Variants in INPP5K observed in about 807,000 individuals in gnomAD.
INPP5K encodes the protein inositol polyphosphate-5-phosphatase K, also known as inositol polyphosphate 5-phosphatase K.
INPP5K carries 35 observed loss-of-function variants against 53.5 expected under a neutral mutation model. The observed-to-expected ratio is 0.65, with a 90% CI of 0.50 to 0.87. The LOEUF (loss-of-function observed/expected upper bound fraction) is 0.87. Among genes scored for constraint, INPP5K ranks in the 40% least tolerant of loss-of-function variants. INPP5K has a pLI of 0.00. For missense variants in INPP5K, 550 were observed against 586.2 expected, an observed-to-expected ratio of 0.94 and a Z score of 0.64; for synonymous variants, 253 against 232.8, an observed-to-expected ratio of 1.09 and a Z score of -0.79.
intron 6 of INPP5K, 99 bp from the exon 7 acceptor site, chr17:1,507,188 G>T: frequency 1.2e-6 from 1 of 845,868 alleles, no homozygotes; most frequent in Non-Finnish European, 1.9e-6. Flanking sequence ...TCACAAATGG[G>T]GCAAGAGTCA....
intron 7 of INPP5K, among the ~76,000 whole-genome samples, chr17:1,502,538 C>G (rs865781977): frequency 1.3e-5 from 2 of 151,526 alleles, no homozygotes; most frequent in African/African-American, 4.9e-5. Flanking sequence ...ACCCCCACCC[C>G]CCTTTTTTCC....
intron 7 of INPP5K, among the ~76,000 whole-genome samples, chr17:1,501,053 G>C (rs1262026822): frequency 6.6e-6 from 1 of 151,388 alleles, no homozygotes; most frequent in Non-Finnish European, 1.5e-5. Flanking sequence ...CTGCCTCCCG[G>C]GTTCAAGCGA....
At chr17:1,500,525 T>C (rs1188113248) in intron 7 of INPP5K, among the ~76,000 whole-genome samples, 3 of 152,110 alleles carry the variant, frequency 2.0e-5, no homozygotes, top group African/African-American at 7.2e-5. Context: ...CCACCATGCC[T>C]GGCTAACTTT....
intron 2 of INPP5K, 74 bp downstream of exon 2, chr17:1,513,798 G>A (rs763213477): frequency 3.3e-5 from 39 of 1,170,468 alleles, no homozygotes; most frequent in Non-Finnish European, 4.4e-5. Flanking sequence ...AGCGGAGGAG[G>A]GCAGGTCACA....
At chr17:1,516,020 GAGACC>G in intron 1 of INPP5K, 10 of 1,009,450 alleles carry the variant, frequency 9.9e-6, no homozygotes, top group Non-Finnish European at 9.5e-6. Flanking sequence ...GAGCAGGCAA[GAGACC>G]AGGCTAAGTC....
rs1039952716 is a variant in INPP5K at position 1,496,046 on chromosome 17, C to A, written c.1290+14G>T. The A allele has an allele frequency of 2.5e-6, 4 of 1,570,614 alleles. No homozygotes were observed. Among genetic ancestry groups the A allele is most frequent in the Non-Finnish European group, 3.5e-6 (4 of 1,140,728 alleles). On this transcript the variant is annotated intron_variant, in intron 11 of 11. Transcript: ENST00000421807. ...AGCCCTCACCCTTCCCCTTCCCTCA[C>A]CAGCACTGCTTACCTGGAAGGGTCT...
At chr17:1,503,023 G>A (rs549830480) in intron 7 of INPP5K, among the ~76,000 whole-genome samples, 73 of 152,162 alleles carry the variant, frequency 4.8e-4, no homozygotes, top group Non-Finnish European at 8.7e-4. Flanking sequence ...CTGAGTAGCT[G>A]GGACTACGGG....
intron 7 of INPP5K, among the ~76,000 whole-genome samples, chr17:1,499,206 G>A (rs1394152470): frequency 6.6e-6 from 1 of 152,184 alleles, no homozygotes; most frequent in Non-Finnish European, 1.5e-5. Context: ...TGGCCTTTAT[G>A]ATTTCCTCTC....
chr17:1,495,490 C>T lies in INPP5K; in HGVS notation c.*333G>A. ...GAATGCAGGCCTGTGCCAAATGGGG[C>T]ATGTGCCTGGCAGGACTACTTGGGC... On this transcript the variant is annotated 3_prime_UTR_variant, in exon 12 of 12. Transcript: ENST00000421807. 3.3e-6 allele frequency: 1 copy of T among 305,798 alleles called. No individual in the cohort carries two copies. The highest frequency in any genetic ancestry group is 6.2e-6 in the Non-Finnish European group (1 of 162,222). The allele number at this position is 305,798 out of a possible 1,614,324, so 18.9% of individuals were successfully genotyped here.
intron 1 of INPP5K, among the ~76,000 whole-genome samples, chr17:1,514,583 GAATT>G: frequency 6.6e-6 from 1 of 152,222 alleles, no homozygotes; most frequent in African/African-American, 2.4e-5. Context: ...GGGAGCCCAA[GAATT>G]TCAGGTCAGG....
In INPP5K at chr17:1,496,660, C is replaced by T. The variant is rs368951837; in HGVS notation, c.1101+6G>A. On this transcript the variant is annotated splice_donor_region_variant and intron_variant, in intron 9 of 11. Coordinates refer to ENST00000421807, the MANE Select transcript of INPP5K (RefSeq NM_016532.4). ...TGATGGACTTCCTGCCTTGCCACCACATCACCTTGTACAGTCCAATCCAGT... is the reference window on the plus strand; with the variant it reads ...TGATGGACTTCCTGCCTTGCCACCATATCACCTTGTACAGTCCAATCCAGT... The T allele has an allele frequency of 3.1e-6, 5 of 1,613,976 alleles. No individual in the cohort carries two copies. The highest frequency in any genetic ancestry group is 4.2e-6 in the Non-Finnish European group (5 of 1,179,960).
intron 7 of INPP5K, among the ~76,000 whole-genome samples, chr17:1,499,379 G>C (rs1484147139): frequency 6.6e-6 from 1 of 152,140 alleles, no homozygotes; most frequent in Non-Finnish European, 1.5e-5. Flanking sequence ...TGTAATCCCA[G>C]CTACTCGGGA....
In INPP5K at chr17:1,495,781, T is replaced by C; in HGVS notation, c.*42A>G. The C allele has an allele frequency of 2.0e-6, 3 of 1,497,574 alleles. No homozygotes were observed. Among genetic ancestry groups the C allele is most frequent in the Non-Finnish European group, 2.8e-6 (3 of 1,078,604 alleles). 92.8% of individuals were successfully genotyped at this position (1,497,574 alleles called of 1,614,324 possible). ...CCGGCAGTGGAAAGGCAGAGCTGGCTGCCAGCTCTGGCCTCCGCCTGGGAT... is the reference window on the plus strand; with the variant it reads ...CCGGCAGTGGAAAGGCAGAGCTGGCCGCCAGCTCTGGCCTCCGCCTGGGAT... On this transcript the variant is annotated 3_prime_UTR_variant, in exon 12 of 12. Coordinates refer to ENST00000421807, the MANE Select transcript of INPP5K (RefSeq NM_016532.4).
intron 4 of INPP5K, 26 bp downstream of exon 4, chr17:1,509,657 G>A (rs777961063): frequency 2.8e-6 from 4 of 1,426,484 alleles, no homozygotes; most frequent in Admixed American, 3.4e-5. Flanking sequence ...CCCAGCTCAC[G>A]ACTCAGACAA....
At chr17:1,515,859 T>C (rs1278852955) in intron 1 of INPP5K, 2 of 955,562 alleles carry the variant, frequency 2.1e-6, no homozygotes, top group African/African-American at 3.5e-5. Context: ...AAAGACCTTT[T>C]ACTCAGAGAC....
rs369331433 is a variant in INPP5K at position 1,513,482 on chromosome 17, C to T, written c.232G>A (p.Asp78Asn). Residue 78 changes from aspartate to asparagine, a missense_variant, in exon 3 of 12, where the codon GAT becomes AAT. Coordinates refer to ENST00000421807, the MANE Select transcript of INPP5K (RefSeq NM_016532.4). ...ATGAAGCTCAGAGGGGAAAGCACATCCATGAGGAAACTGCTCCACGAGTCA... is the reference window on the plus strand; with the variant it reads ...ATGAAGCTCAGAGGGGAAAGCACATTCATGAGGAAACTGCTCCACGAGTCA... ...FNDSWSSFLMDVLSPLSFIKV... is the reference protein window; with the variant it reads ...FNDSWSSFLMNVLSPLSFIKV... 6.2e-7 allele frequency: 1 copy of T among 1,614,094 alleles called. No homozygotes were observed. Among genetic ancestry groups the T allele is most frequent in the Non-Finnish European group, 8.5e-7 (1 of 1,180,032 alleles).
chr17:1,509,621 GC>G, intron 4 of INPP5K, 61 bp downstream of exon 4: 1 of 1,121,406 alleles, frequency 8.9e-7, no homozygotes, highest in Non-Finnish European at 1.4e-6. Flanking sequence ...TTTTTCTTTT[GC>G]CCAGCTCCAC....
At chr17:1,496,486 G>C (rs1429187291) in intron 9 of INPP5K, 84 bp from the exon 10 acceptor site, 54 of 1,353,172 alleles carry the variant, frequency 4.0e-5, no homozygotes, top group Non-Finnish European at 5.4e-5. Flanking sequence ...TCTCCCTGCT[G>C]GGCCTGGCTA....
At chr17:1,496,844 C>G in intron 8 of INPP5K, 41 bp from the exon 9 acceptor site, 1 of 1,602,994 alleles carries the variant, frequency 6.2e-7, no homozygotes, top group South Asian at 1.1e-5. Flanking sequence ...CTCGCAGCAT[C>G]ATTCCCTCCT....
Sources: allele counts gnomAD v4.1 joint callset (sites outside exome capture counted in the v4.1 genomes callset), GRCh38; gene constraint gnomAD v4.1.1; transcripts MANE v1.5; gene names NCBI Gene and HGNC (gene_info 2026-07-23, HGNC 2026-07-21).